DSCAM: variants seen among roughly 807,000 people sequenced by gnomAD.
The protein encoded by DSCAM is DS cell adhesion molecule.
A neutral mutation model predicts 217.7 loss-of-function variants in DSCAM; 47 were observed. The ratio of observed to expected loss-of-function variants is 0.22; its 90% CI spans 0.17 to 0.28. The LOEUF is 0.28. Ranked by LOEUF, DSCAM falls within the 10% of genes least tolerant of loss-of-function variation. The pLI, the probability that DSCAM is intolerant of heterozygous loss-of-function variation, is 1.00. For missense variants in DSCAM, 2,080 were observed against 2,618.3 expected (o/e 0.79, Z 4.49); for synonymous variants, 1,056 against 1,015.3 (o/e 1.04, Z -0.76).
At chr21:40,046,944 A>G (rs957865125) in intron 30 of DSCAM, among the ~76,000 whole-genome samples, 4 of 151,904 alleles carry the variant, frequency 2.6e-5, no homozygotes, top group African/African-American at 9.7e-5. Context: ...TACTTGGAAA[A>G]TTCCATGGGA....
In DSCAM at chr21:40,055,739, G is replaced by A. The variant is rs759685690; in HGVS notation, c.5021C>T (p.Thr1674Met). 116 of 1,612,680 alleles carry A rather than the reference G, an allele frequency of 7.2e-5. No individual in the cohort carries two copies. Among genetic ancestry groups the A allele is most frequent in the Non-Finnish European group, 9.5e-5 (112 of 1,178,856 alleles). Residue 1674 changes from threonine to methionine, a missense_variant, in exon 29 of 33, where the codon ACG becomes ATG. Physicochemically the swap from Thr to Met is moderately conservative, Grantham distance 81. This residue lies in a region of DSCAM where 1,144 missense variants were observed against 1,421.1 expected (regional missense o/e 0.81). Coordinates refer to ENST00000400454, the MANE Select transcript of DSCAM (RefSeq NM_001389.5). ...GGGCAGCTTACCAATGGTCTCCATCGTGTCTCTCTCTTCAATCAAAAGCTG... is the reference window on the plus strand; with the variant it reads ...GGGCAGCTTACCAATGGTCTCCATCATGTCTCTCTCTTCAATCAAAAGCTG... Reference protein sequence around the residue: ...RAQLLIEERDTMETIDDRSTV... With the variant: ...RAQLLIEERDMMETIDDRSTV...
chr21:40,312,273 A>G lies in DSCAM; in HGVS notation c.1870T>C (p.Leu624=). The change falls in exon 9 of 33, where the codon TTA becomes CTA. Residue 624 remains leucine, a synonymous_variant. Transcript: ENST00000400454. ...TTCTGCCAGGTGATCGTGATGGGTAAGTCCCCTGAGACCACAACACAGGGG... is the reference window on the plus strand; with the variant it reads ...TTCTGCCAGGTGATCGTGATGGGTAGGTCCCCTGAGACCACAACACAGGGG... ...FIPCVVVSGD[L]PITITWQKDG... The G allele has an allele frequency of 6.2e-7, 1 of 1,614,124 alleles. No individual in the cohort carries two copies. The highest frequency in any genetic ancestry group is 1.1e-5 in the South Asian group (1 of 91,084).
intron 15 of DSCAM, among the ~76,000 whole-genome samples, chr21:40,175,684 A>G (rs1404913786): frequency 2.0e-5 from 3 of 151,898 alleles, no homozygotes; most frequent in Non-Finnish European, 1.5e-5. Context: ...GTTTCAGGAT[A>G]TTCATTTGAA....
chr21:40,092,048 C>G (rs188462193), intron 21 of DSCAM, among the ~76,000 whole-genome samples: 10 of 152,312 alleles, frequency 6.6e-5, no homozygotes, highest in African/African-American at 2.4e-4. Context: ...TAAACCATCT[C>G]AAAAGACTCC....
At chr21:40,472,889 G>A (rs994326499) in intron 3 of DSCAM, among the ~76,000 whole-genome samples, 3 of 152,164 alleles carry the variant, frequency 2.0e-5, no homozygotes, top group Admixed American at 6.5e-5. Context: ...AGAGAAACGA[G>A]AAGAGAAAGG....
At chr21:40,167,111 T>TA (rs947712955) in intron 16 of DSCAM, 107 bp downstream of exon 16, 1 of 999,414 alleles carries the variant, frequency 1.0e-6, no homozygotes, top group Non-Finnish European at 1.5e-6. Context: ...TTTGAAAAAA[T>TA]AAAAGTTTTG....
At chr21:40,221,852 T>A (rs1206521518) in intron 11 of DSCAM, among the ~76,000 whole-genome samples, 1 of 152,118 alleles carries the variant, frequency 6.6e-6, no homozygotes, top group Non-Finnish European at 1.5e-5. Flanking sequence ...TCTCAACCAT[T>A]GAGGGTGTGC....
At chr21:40,319,942 T>G (rs1010140408) in intron 8 of DSCAM, among the ~76,000 whole-genome samples, 1 of 152,110 alleles carries the variant, frequency 6.6e-6, no homozygotes, top group Non-Finnish European at 1.5e-5. Context: ...CACAAACTAA[T>G]GCAGGAACAG....
At chr21:40,691,188 T>C (rs2090534465) in intron 3 of DSCAM, among the ~76,000 whole-genome samples, 1 of 152,246 alleles carries the variant, frequency 6.6e-6, no homozygotes, top group Admixed American at 6.5e-5. Flanking sequence ...GGCATGGCCA[T>C]GAGACTTGCT....
chr21:40,512,482 C>G (rs1291639597), intron 3 of DSCAM, among the ~76,000 whole-genome samples: 1 of 152,076 alleles, frequency 6.6e-6, no homozygotes, highest in African/African-American at 2.4e-5. Flanking sequence ...ACGTGGTGAT[C>G]CTCAAAGCCT....
intron 3 of DSCAM, among the ~76,000 whole-genome samples, chr21:40,459,584 A>G (rs2075789852): frequency 6.6e-6 from 1 of 152,222 alleles, no homozygotes. Context: ...AAACCATATG[A>G]ACAGCACGTT....
intron 3 of DSCAM, among the ~76,000 whole-genome samples, chr21:40,473,173 G>A (rs141939084): frequency 8.1e-4 from 124 of 152,268 alleles, no homozygotes; most frequent in African/African-American, 2.7e-3. Flanking sequence ...GCTAGGTAAC[G>A]GCTCTTAACT....
chr21:40,736,407 A>G (rs181131555), intron 1 of DSCAM, among the ~76,000 whole-genome samples: 1 of 152,210 alleles, frequency 6.6e-6, no homozygotes, highest in Admixed American at 6.5e-5. Context: ...GGCCGTGGGT[A>G]TATTAGTTTG....
At chr21:40,587,157 T>G (rs2076952731) in intron 3 of DSCAM, among the ~76,000 whole-genome samples, 1 of 152,098 alleles carries the variant, frequency 6.6e-6, no homozygotes. Context: ...AAGGGTCCAT[T>G]GGAGAGGATA....
At chr21:40,203,401 C>T (rs1163927743) in intron 11 of DSCAM, among the ~76,000 whole-genome samples, 1 of 152,222 alleles carries the variant, frequency 6.6e-6, no homozygotes, top group Non-Finnish European at 1.5e-5. Flanking sequence ...CTCTGGGGTC[C>T]CACAACCTGT....
intron 3 of DSCAM, among the ~76,000 whole-genome samples, chr21:40,573,316 C>T (rs377738501): frequency 1.3e-4 from 20 of 151,798 alleles, no homozygotes; most frequent in South Asian, 4.2e-4. Flanking sequence ...CCAGCCTGGG[C>T]GACAGAGCAA....
chr21:40,713,542 T>C (rs747712971), intron 1 of DSCAM, among the ~76,000 whole-genome samples: 3 of 152,136 alleles, frequency 2.0e-5, no homozygotes, highest in Non-Finnish European at 4.4e-5. Flanking sequence ...ATTCTTTAAC[T>C]AAGGTTAGGA....
chr21:40,235,995 A>G (rs1200004824), intron 11 of DSCAM, among the ~76,000 whole-genome samples: 1 of 152,218 alleles, frequency 6.6e-6, no homozygotes, highest in East Asian at 1.9e-4. Context: ...ATGTGGCTGT[A>G]TTATCAAGTA....
At chr21:40,744,923 T>C (rs1249325642) in intron 1 of DSCAM, among the ~76,000 whole-genome samples, 1 of 152,206 alleles carries the variant, frequency 6.6e-6, no homozygotes, top group East Asian at 1.9e-4. Flanking sequence ...AGTGAAATTT[T>C]GAAAGAATTT....
Sources: allele counts gnomAD v4.1 joint callset (sites outside exome capture counted in the v4.1 genomes callset), GRCh38; gene constraint gnomAD v4.1.1; regional missense constraint gnomAD v4.1.1; transcripts MANE v1.5; gene names NCBI Gene and HGNC (gene_info 2026-07-23, HGNC 2026-07-21).